ADAMTS3: variants seen among roughly 807,000 people sequenced by gnomAD.
ADAMTS3 encodes the protein A disintegrin and metalloproteinase with thrombospondin motifs 3.
A neutral mutation model predicts 129.0 loss-of-function variants in ADAMTS3; 73 were observed. The ratio of observed to expected loss-of-function variants is 0.57; its 90% confidence interval spans 0.47 to 0.69. ADAMTS3 has a LOEUF of 0.69. Among genes scored for constraint, ADAMTS3 ranks in the 30% least tolerant of loss-of-function variants. The pLI is 0.00. For synonymous variants in ADAMTS3, 477 were observed against 510.8 expected (o/e 0.93, Z 0.89); for missense variants, 1,457 against 1,514.5 (o/e 0.96, Z 0.63).
chr4:72,404,214 T>G (rs1721995078), intron 4 of ADAMTS3, among the ~76,000 whole-genome samples: 1 of 151,940 alleles, frequency 6.6e-6, no homozygotes, highest in Admixed American at 6.6e-5. Flanking sequence ...GTAGCCAAAA[T>G]AATCTTTACA....
At chr4:72,310,306 G>A (rs1719198156) in intron 14 of ADAMTS3, among the ~76,000 whole-genome samples, 1 of 152,140 alleles carries the variant, frequency 6.6e-6, no homozygotes, top group South Asian at 2.1e-4. Flanking sequence ...GGGATGAAAG[G>A]TGGCAGGGAA....
chr4:72,533,092 A>G (rs182560284), intron 3 of ADAMTS3, among the ~76,000 whole-genome samples: 14 of 152,266 alleles, frequency 9.2e-5, no homozygotes, highest in Admixed American at 5.9e-4. Context: ...ATTTTAAAAA[A>G]TGATTATTTT....
Position 72,458,684 on chromosome 4 carries a change from C to T in ADAMTS3, c.505-43713G>A, listed in dbSNP as rs1193341137. 2.0e-5 allele frequency among the ~76,000 whole-genome samples: 3 copies of T among 151,408 alleles called. No individual in the cohort carries two copies. The East Asian group carries it at 5.8e-4, about 29-fold the overall frequency. On this transcript the variant is annotated intron_variant, in intron 3 of 21. Transcript: ENST00000286657. ...CAGTGACATAATTTTTCACACACCA[C>T]TCCCAACCTATGATTCCCTGAAGCC...
chr4:72,349,315 A>C (rs920523007), intron 4 of ADAMTS3, among the ~76,000 whole-genome samples: 1 of 152,070 alleles, frequency 6.6e-6, no homozygotes, highest in Non-Finnish European at 1.5e-5. Flanking sequence ...TTGATCATAC[A>C]TGATTGATCA....
At chr4:72,398,671 T>C (rs957926437) in intron 4 of ADAMTS3, among the ~76,000 whole-genome samples, 3 of 152,194 alleles carry the variant, frequency 2.0e-5, no homozygotes, top group Admixed American at 1.3e-4. Context: ...CAAAGGACAC[T>C]TTTATCATCT....
chr4:72,541,760 CT>C (rs36115065), intron 3 of ADAMTS3, among the ~76,000 whole-genome samples: 5,320 of 152,250 alleles, frequency 0.035, 295 homozygotes, highest in African/African-American at 0.12. Flanking sequence ...TAAGATGTGC[CT>C]TTGTTCCTCC....
At chr4:72,320,463 A>AC (rs1166446013) in intron 7 of ADAMTS3, among the ~76,000 whole-genome samples, 2 of 152,036 alleles carry the variant, frequency 1.3e-5, no homozygotes, top group Admixed American at 1.3e-4. Context: ...ATTTTACAGC[A>AC]CCCCCTCCAT....
At chr4:72,526,731 TAC>T (rs1215285809) in intron 3 of ADAMTS3, among the ~76,000 whole-genome samples, 29 of 36,648 alleles carry the variant, frequency 7.9e-4, no homozygotes, top group African/African-American at 3.0e-3. Context: ...AATATATACA[TAC>T]ATATATATAT....
rs184880402 is a variant in ADAMTS3 at position 72,537,409 on chromosome 4, T to C, written c.504+11069A>G. On this transcript the variant is annotated intron_variant, in intron 3 of 21. Transcript: ENST00000286657. ...GAATTTATAGAGATAGCTTTTTTTT[T>C]CATTTTTCTCTTTTTCTCCTTTTGT... is the stretch of plus-strand genomic sequence containing the variant. 3.9e-5 allele frequency among the ~76,000 whole-genome samples: 6 copies of C among 152,312 alleles called. No homozygotes were observed. In the East Asian group the frequency reaches 9.6e-4, roughly 24 times the overall value.
chr4:72,361,054 G>C (rs1314084915), intron 4 of ADAMTS3, among the ~76,000 whole-genome samples: 4 of 152,082 alleles, frequency 2.6e-5, no homozygotes, highest in Non-Finnish European at 5.9e-5. Context: ...TCTTCAACCA[G>C]AGCAACCCTC....
chr4:72,542,632 C>T (rs957051483), intron 3 of ADAMTS3, among the ~76,000 whole-genome samples: 5 of 152,164 alleles, frequency 3.3e-5, no homozygotes, highest in Non-Finnish European at 7.3e-5. Context: ...ACTGTGACTA[C>T]ATGTATAAAT....
Position 72,283,065 on chromosome 4 carries a change from GC to G in ADAMTS3, c.*70del. 7.8e-7 allele frequency: 1 copy of G among 1,275,670 alleles called. No homozygotes were observed. Among genetic ancestry groups the G allele is most frequent in the Non-Finnish European group, 1.1e-6 (1 of 912,676 alleles). 79.0% of individuals were successfully genotyped at this position (1,275,670 alleles called of 1,614,324 possible). A position where few individuals can be genotyped will look rare whatever the true frequency, so the allele number is the denominator to read the frequency against. On this transcript the variant is annotated 3_prime_UTR_variant, in exon 22 of 22. Transcript: ENST00000286657. ...CTATAGAGATTTCCACTTTAAACAAGCATATGCACCATGGGAAGAGAGAGGT... is the reference window on the plus strand; with the variant it reads ...CTATAGAGATTTCCACTTTAAACAAGATATGCACCATGGGAAGAGAGAGGT...
chr4:72,477,065 G>A (rs1485658135), intron 3 of ADAMTS3, among the ~76,000 whole-genome samples: 2 of 152,050 alleles, frequency 1.3e-5, no homozygotes, highest in Non-Finnish European at 2.9e-5. Context: ...AAAACCTATA[G>A]ATAACATTAT....
chr4:72,463,351 C>T (rs1718824076), intron 3 of ADAMTS3, among the ~76,000 whole-genome samples: 1 of 152,006 alleles, frequency 6.6e-6, no homozygotes, highest in African/African-American at 2.4e-5. Context: ...GGGTACGTAG[C>T]TCAGAAATGA....
In ADAMTS3 at chr4:72,542,583, T is replaced by C. The variant is rs141850106; in HGVS notation, c.504+5895A>G. 2.2e-3 allele frequency among the ~76,000 whole-genome samples: 333 copies of C among 152,332 alleles called. 2 individuals carry two copies. The highest frequency in any genetic ancestry group is 7.9e-3 in the African/African-American group (327 of 41,574). ...CATTCTGGACCAGAATTTGAGATATTAGGAACTTCTTTTTATAGTTTTTCT... is the reference window on the plus strand; with the variant it reads ...CATTCTGGACCAGAATTTGAGATATCAGGAACTTCTTTTTATAGTTTTTCT... On this transcript the variant is annotated intron_variant, in intron 3 of 21. Coordinates refer to ENST00000286657, the MANE Select transcript of ADAMTS3 (RefSeq NM_014243.3).
Position 72,283,594 on chromosome 4 carries a change from T to G in ADAMTS3, c.3160A>C (p.Ser1054Arg), listed in dbSNP as rs376562814. Residue 1054 changes from serine (S) to arginine (R), a missense_variant, in exon 22 of 22, where the codon AGT becomes CGT. By Grantham distance (110) the Ser-to-Arg change is moderately radical. Coordinates refer to ENST00000286657, the MANE Select transcript of ADAMTS3 (RefSeq NM_014243.3). ...KLCCESCSKR[S>R]STLPPPYLLE... ...AGGTATGGTGGTGGCAGGGTGCTAC[T>G]GCGCTTGCTGCAGGACTCACAACAT... is the stretch of plus-strand genomic sequence containing the variant. 4 of 1,613,916 alleles carry G rather than the reference T, an allele frequency of 2.5e-6. No homozygotes were observed. The African/African-American group carries it at 5.3e-5, about 22-fold the overall frequency.
chr4:72,329,847 G>T (rs534551591), intron 5 of ADAMTS3, among the ~76,000 whole-genome samples: 1 of 151,604 alleles, frequency 6.6e-6, no homozygotes, highest in East Asian at 1.9e-4. Context: ...AGCAAGATTA[G>T]CTCTACAGCT....
chr4:72,515,521 T>C (rs1347554022), intron 3 of ADAMTS3, among the ~76,000 whole-genome samples: 14 of 148,084 alleles, frequency 9.5e-5, no homozygotes, highest in Non-Finnish European at 1.7e-4. Context: ...TTTTAATGAT[T>C]GCCATTCTAA....
chr4:72,322,508 T>C (rs971041596), intron 6 of ADAMTS3, among the ~76,000 whole-genome samples: 1 of 152,218 alleles, frequency 6.6e-6, no homozygotes, highest in Non-Finnish European at 1.5e-5. Context: ...ATATTCACTC[T>C]GCACCTTCCT....
Sources: allele counts gnomAD v4.1 joint callset (sites outside exome capture counted in the v4.1 genomes callset), GRCh38; gene constraint gnomAD v4.1.1; transcripts MANE v1.5; gene names NCBI Gene and HGNC (gene_info 2026-07-23, HGNC 2026-07-21).